ITGA2: variants seen among roughly 807,000 people sequenced by gnomAD.
The protein encoded by ITGA2 is integrin subunit alpha 2.
ITGA2 carries 101 observed loss-of-function variants against 146.3 expected under a neutral mutation model. That is an observed-to-expected ratio of 0.69 (90% CI 0.59 to 0.81). ITGA2 has a LOEUF of 0.81. ITGA2 is among the 40% of genes least tolerant of loss of function. ITGA2 has a pLI of 0.00. For missense variants in ITGA2, 1,281 were observed against 1,402.7 expected (o/e 0.91, Z 1.39); for synonymous variants, 477 against 487.1 (o/e 0.98, Z 0.27).
chr5:53,046,786 G>A (rs913234057), intron 4 of ITGA2, among the ~76,000 whole-genome samples: 7 of 151,984 alleles, frequency 4.6e-5, no homozygotes, highest in Non-Finnish European at 8.8e-5. Context: ...AGAATTATGT[G>A]GAAAAGACTG....
intron 2 of ITGA2, among the ~76,000 whole-genome samples, chr5:53,031,710 G>A (rs1439983070): frequency 6.6e-6 from 1 of 152,146 alleles, no homozygotes; most frequent in Non-Finnish European, 1.5e-5. Context: ...TCAAGTGAGC[G>A]GGATAATTTT....
At chr5:52,992,239 C>T (rs1039485944) in intron 1 of ITGA2, among the ~76,000 whole-genome samples, 6 of 152,290 alleles carry the variant, frequency 3.9e-5, no homozygotes, top group Middle Eastern at 3.4e-3. Flanking sequence ...CCTCGCTGCT[C>T]TCCCGTCATC....
intron 1 of ITGA2, among the ~76,000 whole-genome samples, chr5:53,025,363 G>A (rs1447390991): frequency 1.3e-5 from 2 of 152,200 alleles, no homozygotes; most frequent in Non-Finnish European, 2.9e-5. Context: ...ATTTGCAGAT[G>A]TTAAGCTTTG....
At chr5:53,074,921 C>G in intron 21 of ITGA2, 140 bp from the exon 22 acceptor site, 1 of 658,094 alleles carries the variant, frequency 1.5e-6, no homozygotes, top group Non-Finnish European at 2.7e-6. Context: ...TAAAGATATT[C>G]CACAAATTTG....
At chr5:53,005,735 A>G (rs1741815678) in intron 1 of ITGA2, among the ~76,000 whole-genome samples, 1 of 152,166 alleles carries the variant, frequency 6.6e-6, no homozygotes, top group Non-Finnish European at 1.5e-5. Flanking sequence ...CACTGGGTTG[A>G]GAGTTTTATA....
intron 1 of ITGA2, among the ~76,000 whole-genome samples, chr5:53,007,924 T>A (rs143240297): frequency 1.3e-5 from 2 of 152,280 alleles, no homozygotes; most frequent in African/African-American, 4.8e-5. Context: ...TGGATTGTTT[T>A]CACACAAAAT....
At chr5:53,052,196 A>C (rs866073553) in intron 7 of ITGA2, among the ~76,000 whole-genome samples, 4 of 152,172 alleles carry the variant, frequency 2.6e-5, no homozygotes, top group Middle Eastern at 3.4e-3. Context: ...CCATCAACCC[A>C]TATCTACATT....
intron 1 of ITGA2, among the ~76,000 whole-genome samples, chr5:53,016,726 G>T (rs1013589898): frequency 2.0e-5 from 3 of 152,102 alleles, no homozygotes; most frequent in Non-Finnish European, 4.4e-5. Flanking sequence ...GGATACCAAT[G>T]AATCATAAAT....
intron 25 of ITGA2, 105 bp downstream of exon 25, chr5:53,080,726 A>G: frequency 2.4e-6 from 2 of 832,564 alleles, no homozygotes; most frequent in Non-Finnish European, 2.1e-6. Flanking sequence ...AACAGATGGT[A>G]ACTCCTATGC....
chr5:53,036,495 C>T (rs991408528), intron 2 of ITGA2, among the ~76,000 whole-genome samples: 2 of 152,126 alleles, frequency 1.3e-5, no homozygotes, highest in African/African-American at 2.4e-5. Flanking sequence ...TTGCTGTTCC[C>T]GCAGCCTAGA....
intron 16 of ITGA2, among the ~76,000 whole-genome samples, chr5:53,068,780 G>A (rs1745257592): frequency 1.3e-5 from 2 of 149,958 alleles, no homozygotes; most frequent in African/African-American, 2.4e-5. Flanking sequence ...AAAGCATATG[G>A]TTTCTATCAT....
chr5:53,024,557 A>G (rs750347410), intron 1 of ITGA2, among the ~76,000 whole-genome samples: 4 of 152,256 alleles, frequency 2.6e-5, no homozygotes, highest in Non-Finnish European at 4.4e-5. Context: ...ATATGGCTAT[A>G]TAAGATAATT....
chr5:52,995,040 A>C (rs527400583), intron 1 of ITGA2, among the ~76,000 whole-genome samples: 1 of 152,336 alleles, frequency 6.6e-6, no homozygotes, highest in African/African-American at 2.4e-5. Context: ...CATAACTAGC[A>C]ATAGGACTCG....
chr5:53,004,598 T>C (rs1040335688), intron 1 of ITGA2, among the ~76,000 whole-genome samples: 6 of 152,094 alleles, frequency 3.9e-5, no homozygotes, highest in Admixed American at 3.9e-4. Flanking sequence ...TTTCCATTTC[T>C]AGCATCACCT....
At chr5:53,085,377 T>C (rs1746110785) in intron 27 of ITGA2, among the ~76,000 whole-genome samples, 1 of 152,202 alleles carries the variant, frequency 6.6e-6, no homozygotes, top group Non-Finnish European at 1.5e-5. Context: ...TCTCCAGATG[T>C]GTGTGGCATG....
intron 6 of ITGA2, among the ~76,000 whole-genome samples, chr5:53,049,398 A>G (rs1199638974): frequency 6.6e-6 from 1 of 152,184 alleles, no homozygotes; most frequent in Non-Finnish European, 1.5e-5. Context: ...ATGTATTTTT[A>G]TGTCCATTTG....
At chr5:53,071,348 C>T (rs3212579) in intron 17 of ITGA2, among the ~76,000 whole-genome samples, 15,739 of 151,874 alleles carry the variant, frequency 0.1, 956 homozygotes, top group African/African-American at 0.16. Flanking sequence ...TGGAGACAGC[C>T]AAGCTGTTTT....
intron 6 of ITGA2, among the ~76,000 whole-genome samples, 176 bp downstream of exon 6, chr5:53,048,946 C>G (rs1468808210): frequency 6.6e-6 from 1 of 151,924 alleles, no homozygotes; most frequent in African/African-American, 2.4e-5. Flanking sequence ...TATGGCTTTG[C>G]CCAGTGCTGG....
chr5:52,993,122 A>G (rs1363185630), intron 1 of ITGA2, among the ~76,000 whole-genome samples: 2 of 152,192 alleles, frequency 1.3e-5, no homozygotes, highest in East Asian at 3.9e-4. Flanking sequence ...CAAAATTATA[A>G]AGTAGAGAAC....
Sources: allele counts gnomAD v4.1 joint callset (sites outside exome capture counted in the v4.1 genomes callset), GRCh38; gene constraint gnomAD v4.1.1; transcripts MANE v1.5; gene names NCBI Gene and HGNC (gene_info 2026-07-23, HGNC 2026-07-21).